RPS6KC1: variants seen among roughly 807,000 people sequenced by gnomAD.
RPS6KC1 encodes ribosomal protein S6 kinase C1.
Under a neutral mutation model 103.8 loss-of-function variants are expected in RPS6KC1, and 54 were observed. The ratio of observed to expected loss-of-function variants is 0.52; its 90% CI spans 0.42 to 0.65. The LOEUF (loss-of-function observed/expected upper bound fraction) is 0.65, where lower values mean the gene tolerates loss of function less well. Ranked by LOEUF, RPS6KC1 falls within the 30% of genes least tolerant of loss-of-function variation. RPS6KC1 has a pLI of 0.00. For synonymous variants in RPS6KC1, 439 were observed against 438.7 expected (o/e 1.00, Z -0.01); for missense variants, 1,151 against 1,253.8 (o/e 0.92, Z 1.24).
the RPS6KC1 span, among the ~76,000 whole-genome samples, chr1:213,516,703 C>T: frequency 6.6e-6 from 1 of 152,130 alleles, no homozygotes; most frequent in Non-Finnish European, 1.5e-5. Flanking sequence ...TTTGTTGTGT[C>T]TCTGCCAGGC....
intron 12 of RPS6KC1, among the ~76,000 whole-genome samples, chr1:213,250,544 C>G (rs769393958): frequency 3.3e-5 from 5 of 152,144 alleles, no homozygotes; most frequent in Non-Finnish European, 7.3e-5. Flanking sequence ...ATTCCAGGCT[C>G]TAGTTAGTCT....
chr1:213,536,571 C>T, the RPS6KC1 span, among the ~76,000 whole-genome samples: 2 of 150,840 alleles, frequency 1.3e-5, no homozygotes, highest in Non-Finnish European at 2.9e-5. Context: ...CGAACAAAGA[C>T]CAAGACAGGA....
At chr1:213,826,068 A>G in the RPS6KC1 span, among the ~76,000 whole-genome samples, 1 of 152,202 alleles carries the variant, frequency 6.6e-6, no homozygotes, top group Non-Finnish European at 1.5e-5. Context: ...TTACTAAGTA[A>G]TGACTAGTTG....
At chr1:213,056,881 T>C (rs2148297456) in intron 1 of RPS6KC1, among the ~76,000 whole-genome samples, 1 of 149,746 alleles carries the variant, frequency 6.7e-6, no homozygotes, top group East Asian at 2.0e-4. Context: ...TAGGCGTTGC[T>C]CTCTATATGT....
the RPS6KC1 span, among the ~76,000 whole-genome samples, chr1:213,279,864 T>C: frequency 3.3e-5 from 5 of 152,214 alleles, no homozygotes; most frequent in Admixed American, 2.6e-4. Flanking sequence ...TAGTTAGAAA[T>C]GCAAATGCTT....
intron 1 of RPS6KC1, among the ~76,000 whole-genome samples, chr1:213,057,752 CTTTTTTTTTTTT>C (rs869259657): frequency 1.1e-3 from 82 of 73,708 alleles, no homozygotes; most frequent in Admixed American, 2.3e-3. Context: ...TCTGAAGTAT[CTTTTTTTTTTTT>C]TTTTTTTTTT....
chr1:213,578,106 T>A, the RPS6KC1 span, among the ~76,000 whole-genome samples: 1 of 152,208 alleles, frequency 6.6e-6, no homozygotes, highest in African/African-American at 2.4e-5. Context: ...GTCCCAGCCA[T>A]GGCTAAAAGG....
chr1:213,485,371 C>T, the RPS6KC1 span, among the ~76,000 whole-genome samples: 381 of 152,080 alleles, frequency 2.5e-3, 2 homozygotes, highest in Non-Finnish European at 4.5e-3. Context: ...TTCTGCTTGC[C>T]CTGCATATGC....
chr1:213,175,327 C>A (rs2091795536), intron 7 of RPS6KC1, among the ~76,000 whole-genome samples: 1 of 152,174 alleles, frequency 6.6e-6, no homozygotes. Context: ...CTTCAAGTAT[C>A]AAAAATGGTA....
chr1:213,203,989 C>T (rs1250938663), intron 8 of RPS6KC1, among the ~76,000 whole-genome samples: 1 of 152,206 alleles, frequency 6.6e-6, no homozygotes, highest in Non-Finnish European at 1.5e-5. Flanking sequence ...TCCTATTCTT[C>T]CGCCATTTTC....
chr1:213,784,816 C>T, the RPS6KC1 span, among the ~76,000 whole-genome samples: 1 of 152,176 alleles, frequency 6.6e-6, no homozygotes, highest in African/African-American at 2.4e-5. Flanking sequence ...TTCCCATCTG[C>T]TTCCCCCCAT....
At chr1:213,672,107 C>T in the RPS6KC1 span, among the ~76,000 whole-genome samples, 7 of 152,172 alleles carry the variant, frequency 4.6e-5, no homozygotes, top group African/African-American at 1.7e-4. Flanking sequence ...CCAGGATGCT[C>T]TGGACTGTAC....
rs761726809 is a variant in RPS6KC1, at chr1:213,117,376, C to T, written c.438C>T (p.Ser146=). The change falls in exon 5 of 15, where the codon TCC becomes TCT. Residue 146 remains serine (S), a synonymous_variant. Coordinates refer to ENST00000366960, the MANE Select transcript of RPS6KC1 (RefSeq NM_012424.6). ...GTCCTGCTGAAGCTCACTCAGATTC[C>T]CTCATTGATACCTTTCCTGAGTGTA... is the stretch of plus-strand genomic sequence containing the variant. ...LIGPAEAHSD[S]LIDTFPECST... 4.3e-6 allele frequency: 7 copies of T among 1,610,048 alleles called. No homozygotes were observed. The highest frequency in any genetic ancestry group is 3.3e-4 in the Middle Eastern group (2 of 6,044).
the RPS6KC1 span, among the ~76,000 whole-genome samples, chr1:213,618,937 A>T: frequency 6.6e-6 from 1 of 152,230 alleles, no homozygotes. Flanking sequence ...GAAATCACAG[A>T]ATAATGTGGG....
At chr1:213,303,353 T>G in the RPS6KC1 span, among the ~76,000 whole-genome samples, 1 of 152,228 alleles carries the variant, frequency 6.6e-6, no homozygotes, top group Non-Finnish European at 1.5e-5. Context: ...TTTTCCCATC[T>G]GAAACTGACC....
chr1:213,357,051 G>T, the RPS6KC1 span, among the ~76,000 whole-genome samples: 1 of 152,204 alleles, frequency 6.6e-6, no homozygotes, highest in African/African-American at 2.4e-5. Flanking sequence ...CAGGGGCTGG[G>T]AGAGTAGTGA....
At chr1:213,829,254 G>A in the RPS6KC1 span, among the ~76,000 whole-genome samples, 6 of 109,530 alleles carry the variant, frequency 5.5e-5, no homozygotes, top group African/African-American at 2.2e-4. Flanking sequence ...AAAGACAAGA[G>A]ACCTCGTTTG....
At chr1:213,525,187 G>C in the RPS6KC1 span, among the ~76,000 whole-genome samples, 1 of 152,188 alleles carries the variant, frequency 6.6e-6, no homozygotes, top group Non-Finnish European at 1.5e-5. Context: ...CTGGTGGCTT[G>C]AATCAGGATG....
the RPS6KC1 span, among the ~76,000 whole-genome samples, chr1:213,648,857 A>T: frequency 7.2e-5 from 11 of 152,222 alleles, no homozygotes; most frequent in African/African-American, 2.2e-4. Context: ...TCATCCTTGG[A>T]TCAGTTTAAC....
Sources: allele counts gnomAD v4.1 joint callset (sites outside exome capture counted in the v4.1 genomes callset), GRCh38; gene constraint gnomAD v4.1.1; transcripts MANE v1.5; gene names NCBI Gene and HGNC (gene_info 2026-07-23, HGNC 2026-07-21).